Variants in CADM2 observed in about 807,000 individuals in gnomAD.
CADM2 encodes immunoglobulin superfamily member 4D.
A neutral mutation model predicts 49.8 loss-of-function variants in CADM2; 12 were observed. The observed-to-expected ratio is 0.24, with a 90% CI of 0.15 to 0.39. The LOEUF (loss-of-function observed/expected upper bound fraction) is 0.39, where lower values mean the gene tolerates loss of function less well. CADM2 is among the 10% of genes least tolerant of loss of function. The probability of loss-of-function intolerance (pLI) is 1.00; values close to 1 mark genes in which losing one functional copy is unlikely to be tolerated. For missense variants in CADM2, 378 were observed against 492.3 expected, an observed-to-expected ratio of 0.77 and a Z score of 2.20; for synonymous variants, 214 against 175.4, an observed-to-expected ratio of 1.22 and a Z score of -1.74.
intron 1 of CADM2, among the ~76,000 whole-genome samples, chr3:85,347,381 A>C (rs1218821179): frequency 6.7e-6 from 1 of 150,002 alleles, no homozygotes; most frequent in African/African-American, 2.4e-5. Flanking sequence ...GTATAATTTT[A>C]AGGACAATAT....
At chr3:85,809,706 T>TCCTC (rs2072701433) in intron 3 of CADM2, among the ~76,000 whole-genome samples, 1 of 125,900 alleles carries the variant, frequency 7.9e-6, no homozygotes, top group African/African-American at 3.2e-5. Context: ...CTTCCTTCCT[T>TCCTC]CCTTCCTTCC....
At chr3:85,897,916 A>AT in intron 5 of CADM2, among the ~76,000 whole-genome samples, 1 of 152,336 alleles carries the variant, frequency 6.6e-6, no homozygotes, top group East Asian at 1.9e-4. Flanking sequence ...AAATATCATT[A>AT]TTTAAACTTA....
chr3:85,241,174 A>G (rs2042521920), intron 1 of CADM2, among the ~76,000 whole-genome samples: 1 of 151,556 alleles, frequency 6.6e-6, no homozygotes, highest in Non-Finnish European at 1.5e-5. Context: ...AAAAGCAACA[A>G]TAAAATTTTA....
chr3:85,875,711 A>G (rs760250861), intron 3 of CADM2, among the ~76,000 whole-genome samples: 26 of 152,182 alleles, frequency 1.7e-4, no homozygotes, highest in Non-Finnish European at 2.8e-4. Context: ...CAATAGGAGT[A>G]AAGCAGAGTA....
chr3:85,789,441 C>T (rs1253865242), intron 2 of CADM2, among the ~76,000 whole-genome samples: 1 of 152,126 alleles, frequency 6.6e-6, no homozygotes, highest in African/African-American at 2.4e-5. Context: ...GTTTTAAAAT[C>T]ACAGAAATCA....
intron 1 of CADM2, among the ~76,000 whole-genome samples, chr3:85,236,786 T>A (rs894635562): frequency 2.0e-5 from 3 of 151,992 alleles, no homozygotes; most frequent in African/African-American, 7.2e-5. Context: ...AAGTCATTGA[T>A]AGGGCTCGTA....
intron 1 of CADM2, among the ~76,000 whole-genome samples, chr3:85,200,109 T>G (rs5021121): frequency 0.17 from 26,532 of 151,816 alleles, 4,367 homozygotes; most frequent in African/African-American, 0.44. Flanking sequence ...AGTCTTATCT[T>G]ATGTGAATTC....
intron 8 of CADM2, among the ~76,000 whole-genome samples, chr3:85,982,370 A>C (rs1232841012): frequency 6.6e-6 from 1 of 151,696 alleles, no homozygotes; most frequent in African/African-American, 2.4e-5. Flanking sequence ...TATGAACAAA[A>C]ACCAATCCCT....
chr3:85,924,051 A>G (rs1165972517), intron 6 of CADM2, among the ~76,000 whole-genome samples: 1 of 152,194 alleles, frequency 6.6e-6, no homozygotes, highest in East Asian at 1.9e-4. Context: ...GATTTCTCAT[A>G]ATAAAAGAAA....
At chr3:85,904,673 G>C (rs1386698577) in intron 5 of CADM2, among the ~76,000 whole-genome samples, 1 of 152,168 alleles carries the variant, frequency 6.6e-6, no homozygotes, top group African/African-American at 2.4e-5. Context: ...TGTTTAGCTG[G>C]AGAGAAAGTC....
At chr3:85,794,876 G>A (rs537082562) in intron 2 of CADM2, among the ~76,000 whole-genome samples, 3 of 152,078 alleles carry the variant, frequency 2.0e-5, no homozygotes, top group Admixed American at 2.0e-4. Flanking sequence ...TTCATACAAA[G>A]CAAGGCACAT....
At chr3:85,941,178 C>T (rs1266118765) in intron 7 of CADM2, among the ~76,000 whole-genome samples, 2 of 152,004 alleles carry the variant, frequency 1.3e-5, no homozygotes, top group Admixed American at 1.3e-4. Flanking sequence ...TACATCATAA[C>T]AATGAGGGTG....
At chr3:85,736,161 G>A (rs370456388) in intron 2 of CADM2, among the ~76,000 whole-genome samples, 41 of 152,124 alleles carry the variant, frequency 2.7e-4, no homozygotes, top group East Asian at 7.7e-4. Context: ...AAAATAAAAC[G>A]AAAGAAAATG....
At chr3:86,017,168 G>GTATATA (rs138958837) in intron 8 of CADM2, among the ~76,000 whole-genome samples, 23 of 141,540 alleles carry the variant, frequency 1.6e-4, no homozygotes, top group East Asian at 4.2e-4. Flanking sequence ...GTGTGTGTGT[G>GTATATA]TATATATATA....
At chr3:85,092,082 T>A (rs1314837433) in intron 1 of CADM2, among the ~76,000 whole-genome samples, 1 of 152,218 alleles carries the variant, frequency 6.6e-6, no homozygotes, top group Non-Finnish European at 1.5e-5. Flanking sequence ...GAACTTTCGC[T>A]CTTTTGTTGG....
intron 1 of CADM2, among the ~76,000 whole-genome samples, chr3:85,170,611 G>A (rs1219498691): frequency 6.6e-6 from 1 of 152,112 alleles, no homozygotes; most frequent in African/African-American, 2.4e-5. Context: ...AGGATTACAA[G>A]CATGACTCAT....
At chr3:85,444,566 A>G (rs1310916853) in intron 1 of CADM2, among the ~76,000 whole-genome samples, 1 of 152,046 alleles carries the variant, frequency 6.6e-6, no homozygotes, top group African/African-American at 2.4e-5. Context: ...CTTTAAAATA[A>G]CATTTTGTAA....
chr3:85,553,843 A>G (rs991134824), intron 1 of CADM2, among the ~76,000 whole-genome samples: 4 of 152,186 alleles, frequency 2.6e-5, no homozygotes, highest in Admixed American at 1.3e-4. Context: ...AAAGATCCCA[A>G]TCCCTAAACC....
intron 1 of CADM2, among the ~76,000 whole-genome samples, chr3:85,441,644 C>T (rs2037207034): frequency 6.6e-6 from 1 of 151,958 alleles, no homozygotes; most frequent in South Asian, 2.1e-4. Flanking sequence ...TGCCTAAGTT[C>T]CAGGAAAATA....
Sources: allele counts gnomAD v4.1 joint callset (sites outside exome capture counted in the v4.1 genomes callset), GRCh38; gene constraint gnomAD v4.1.1; transcripts MANE v1.5; gene names NCBI Gene and HGNC (gene_info 2026-07-23, HGNC 2026-07-21).